The following PTPN14 variants were observed in gnomAD, a reference collection of about 807,000 sequenced individuals.
The protein encoded by PTPN14 is protein tyrosine phosphatase non-receptor type 14.
A neutral mutation model predicts 126.8 loss-of-function variants in PTPN14; 53 were observed. The ratio of observed to expected loss-of-function variants is 0.42; its 90% CI spans 0.34 to 0.53. PTPN14 has a LOEUF of 0.53. Among genes scored for constraint, PTPN14 ranks in the 20% least tolerant of loss-of-function variants. The pLI, the probability that PTPN14 is intolerant of heterozygous loss-of-function variation, is 0.08. For synonymous variants in PTPN14, 630 were observed against 599.3 expected, an observed-to-expected ratio of 1.05 and a Z score of -0.75; for missense variants, 1,257 against 1,552.9, an observed-to-expected ratio of 0.81 and a Z score of 3.20.
At chr1:214,514,464 G>C (rs559055104) in intron 1 of PTPN14, among the ~76,000 whole-genome samples, 1 of 152,284 alleles carries the variant, frequency 6.6e-6, no homozygotes, top group Non-Finnish European at 1.5e-5. Context: ...TCTATGGATA[G>C]GAAAGTATGA....
chr1:214,371,929 C>T (rs530610166), intron 16 of PTPN14, among the ~76,000 whole-genome samples: 14 of 152,308 alleles, frequency 9.2e-5, no homozygotes, highest in Non-Finnish European at 1.9e-4. Context: ...GGAAAGGCCA[C>T]TGCAATACCA....
At chr1:214,378,283 C>A (rs2936013) in intron 13 of PTPN14, among the ~76,000 whole-genome samples, 181 bp from the exon 14 acceptor site, 1 of 152,156 alleles carries the variant, frequency 6.6e-6, no homozygotes, top group Non-Finnish European at 1.5e-5. Context: ...CCAGTTCCTA[C>A]AGGACTCCTG....
At chr1:214,440,494 T>C (rs1347102021) in intron 3 of PTPN14, among the ~76,000 whole-genome samples, 1 of 152,240 alleles carries the variant, frequency 6.6e-6, no homozygotes, top group Non-Finnish European at 1.5e-5. Flanking sequence ...GCCATGGCTC[T>C]GCAGTAGAAA....
intron 13 of PTPN14, among the ~76,000 whole-genome samples, chr1:214,382,496 TTTA>T (rs1360021424): frequency 6.6e-6 from 1 of 152,160 alleles, no homozygotes; most frequent in Non-Finnish European, 1.5e-5. Context: ...TGGTTCTTTT[TTTA>T]TTATTATTTT....
At chr1:214,441,138 G>C (rs1289422981) in intron 3 of PTPN14, among the ~76,000 whole-genome samples, 2 of 152,178 alleles carry the variant, frequency 1.3e-5, no homozygotes, top group African/African-American at 2.4e-5. Context: ...CCACTTGTTA[G>C]AGAAAAAACT....
intron 4 of PTPN14, among the ~76,000 whole-genome samples, chr1:214,412,280 T>C (rs1312793863): frequency 6.6e-6 from 1 of 152,238 alleles, no homozygotes; most frequent in African/African-American, 2.4e-5. Flanking sequence ...GTCACCGTGG[T>C]ACAGTTTGAG....
At chr1:214,432,769 T>C (rs1298002470) in intron 3 of PTPN14, among the ~76,000 whole-genome samples, 1 of 152,186 alleles carries the variant, frequency 6.6e-6, no homozygotes, top group Non-Finnish European at 1.5e-5. Context: ...TAATATATGA[T>C]ATTAGAATTC....
rs1413471127 is a variant in PTPN14 at position 214,357,176 on chromosome 1, A to C, written c.*746T>G. 1.3e-5 allele frequency: 2 copies of C among 152,256 alleles called. No individual in the cohort carries two copies. Among genetic ancestry groups the C allele is most frequent in the Admixed American group, 6.5e-5 (1 of 15,282 alleles). 9.4% of individuals were successfully genotyped at this position (152,256 alleles called of 1,614,324 possible). On this transcript the variant is annotated 3_prime_UTR_variant, in exon 19 of 19. Transcript: ENST00000366956. ...GGAAACACAAGCTCCAGAGCCCAGG[A>C]TAAGGGGTGGTCAAGAAAAGCACAA... is the stretch of plus-strand genomic sequence containing the variant.
At chr1:214,524,059 AG>A in intron 1 of PTPN14, among the ~76,000 whole-genome samples, 1 of 151,968 alleles carries the variant, frequency 6.6e-6, no homozygotes. Context: ...CATGTTGGCC[AG>A]GCTGGTCTCA....
Position 214,383,693 on chromosome 1 carries a change from A to T in PTPN14, c.2162T>A (p.Val721Glu). The change falls in exon 13 of 19, where the codon GTG becomes GAG. Residue 721 changes from valine (V) to glutamate (E), a missense_variant. Val to Glu is a moderately radical substitution (Grantham distance 121). This residue lies in a region of PTPN14 where 1,021 missense variants were observed against 1,183.3 expected (regional missense o/e 0.86). Transcript: ENST00000366956. This position sits in a 1 kb window ranked among gnomAD's most constrained non-coding sequence, Gnocchi z 4.4. ...EEEEEEAPES[V>E]PQIPMLREKM... ...CTCCCGGAGCATGGGGATCTGGGGC[A>T]CCGATTCTGGAGCCTCCTCCTCCTC... 6.2e-7 allele frequency: 1 copy of T among 1,613,384 alleles called. No homozygotes were observed. Among genetic ancestry groups the T allele is most frequent in the Non-Finnish European group, 8.5e-7 (1 of 1,180,010 alleles).
rs530787503 is a variant in PTPN14 at position 214,405,040 on chromosome 1, C to A, written c.511-2087G>T. Among the ~76,000 whole-genome samples, 6 of 152,342 alleles carry A rather than the reference C, an allele frequency of 3.9e-5. No homozygotes were observed. In the South Asian group the frequency reaches 1.2e-3, roughly 32 times the overall value. On this transcript the variant is annotated intron_variant, in intron 5 of 18. Transcript: ENST00000366956. ...AGACCTCCTTGCCCAAGAGGTCAAG[C>A]CCCAGGCCGACACCTCTTCTAACAC...
rs145574929 is a variant in PTPN14, at chr1:214,369,480, G to A, written c.3248C>T (p.Pro1083Leu). 1.9e-6 allele frequency: 3 copies of A among 1,614,010 alleles called. No homozygotes were observed. ...ACATAAAAATCCTTGGACATCTTCTGGACAGCCGTGATCTGGCCAGTCAGT... is the reference window on the plus strand; with the variant it reads ...ACATAAAAATCCTTGGACATCTTCTAGACAGCCGTGATCTGGCCAGTCAGT... ...QYTDWPDHGCPEDVQGFLSYL... is the reference protein window; with the variant it reads ...QYTDWPDHGCLEDVQGFLSYL... The change falls in exon 17 of 19, where the codon CCA (proline) becomes CTA (leucine). Residue 1083 changes from proline (P) to leucine (L), a missense_variant. Around this residue, in one of 3 missense-constraint regions of PTPN14, gnomAD observed 171 missense variants for 229.8 expected, o/e 0.74. Coordinates refer to ENST00000366956, the MANE Select transcript of PTPN14 (RefSeq NM_005401.5).
chr1:214,430,042 T>C (rs1235446356), intron 3 of PTPN14, among the ~76,000 whole-genome samples: 1 of 152,230 alleles, frequency 6.6e-6, no homozygotes, highest in African/African-American at 2.4e-5. Flanking sequence ...AGGGAAACCT[T>C]GAACTTTAAG....
intron 1 of PTPN14, among the ~76,000 whole-genome samples, chr1:214,544,024 G>A (rs1655907115): frequency 6.6e-6 from 1 of 152,222 alleles, no homozygotes; most frequent in East Asian, 1.9e-4. Context: ...AACTGAATAA[G>A]ATCCCTACCA....
At chr1:214,367,345 C>T (rs1224799751) in intron 17 of PTPN14, among the ~76,000 whole-genome samples, 2 of 152,198 alleles carry the variant, frequency 1.3e-5, no homozygotes, top group Non-Finnish European at 2.9e-5. Flanking sequence ...CTCCAATCAT[C>T]CTTCTACTCT....
rs1264713247 is a variant in PTPN14, at chr1:214,350,883, G to A, written c.*7039C>T. 6.6e-6 allele frequency: 1 copy of A among 151,420 alleles called. No individual in the cohort carries two copies. Among genetic ancestry groups the A allele is most frequent in the African/African-American group, 2.4e-5 (1 of 41,190 alleles). The allele number at this position is 151,420 out of a possible 1,614,324, so 9.4% of individuals were successfully genotyped here. A position where few individuals can be genotyped will look rare whatever the true frequency, so the allele number is the denominator to read the frequency against. On this transcript the variant is annotated 3_prime_UTR_variant, in exon 19 of 19. Coordinates refer to ENST00000366956, the MANE Select transcript of PTPN14 (RefSeq NM_005401.5). ...GGCCATTTGCCAGATCTTATTCTTTGAAACTATACAAGCAATTTTTAAAAA... is the reference window on the plus strand; with the variant it reads ...GGCCATTTGCCAGATCTTATTCTTTAAAACTATACAAGCAATTTTTAAAAA...
Position 214,389,104 on chromosome 1 carries a change from C to A in PTPN14, c.987+1884G>T, listed in dbSNP as rs79219954. Among the ~76,000 whole-genome samples the A allele has an allele frequency of 7.7e-3, 1,177 of 152,256 alleles. 13 individuals are homozygous for A. The highest frequency in any genetic ancestry group is 0.027 in the African/African-American group (1,115 of 41,530). On this transcript the variant is annotated intron_variant, in intron 11 of 18. Transcript: ENST00000366956. ...TTCCTTTTCTTGGCAATACATAATTCAACTAAATTTTTCCATGGTAGCACA... is the reference window on the plus strand; with the variant it reads ...TTCCTTTTCTTGGCAATACATAATTAAACTAAATTTTTCCATGGTAGCACA...
At chr1:214,385,836 C>T (rs534805877) in intron 12 of PTPN14, among the ~76,000 whole-genome samples, 2 of 152,268 alleles carry the variant, frequency 1.3e-5, no homozygotes, top group East Asian at 3.9e-4. Context: ...CGCAATTTAT[C>T]CACCTCCCAT....
chr1:214,374,422 T>C (rs1658293268), intron 15 of PTPN14, among the ~76,000 whole-genome samples: 1 of 152,194 alleles, frequency 6.6e-6, no homozygotes, highest in Non-Finnish European at 1.5e-5. Flanking sequence ...GCACCCAACG[T>C]ATAGGAAACA....
Sources: gnomAD v4.1 joint callset for allele counts (sites outside exome capture counted in the v4.1 genomes callset) on GRCh38, gnomAD v4.1.1 for gene constraint, gnomAD v4.1.1 regional missense constraint, Gnocchi (gnomAD v3.1) non-coding constraint, MANE v1.5 for transcripts, NCBI Gene and HGNC (gene_info 2026-07-23, HGNC 2026-07-21) for gene names.